ANKRD45: variants seen among roughly 807,000 people sequenced by gnomAD.
ANKRD45 encodes ankyrin repeat domain 45.
A neutral mutation model predicts 28.1 loss-of-function variants in ANKRD45; 21 were observed. The ratio of observed to expected loss-of-function variants is 0.75; its 90% CI spans 0.53 to 1.08. The LOEUF (loss-of-function observed/expected upper bound fraction) is 1.08, where lower values mean the gene tolerates loss of function less well. Among genes scored for constraint, ANKRD45 ranks in the 50% least tolerant of loss-of-function variants. The pLI is 0.00. For synonymous variants in ANKRD45, 86 were observed against 103.9 expected, an observed-to-expected ratio of 0.83 and a Z score of 1.05; for missense variants, 261 against 308.7, an observed-to-expected ratio of 0.85 and a Z score of 1.16.
At chr1:173,617,042 C>T (rs1158574454) in intron 5 of ANKRD45, among the ~76,000 whole-genome samples, 1 of 152,056 alleles carries the variant, frequency 6.6e-6, no homozygotes, top group African/African-American at 2.4e-5. Context: ...ACACTTCTCA[C>T]ACAGATCTTT....
chr1:173,669,967 T>G (rs1301205476), upstream of ANKRD45: 2 of 168,732 alleles, frequency 1.2e-5, no homozygotes, highest in Non-Finnish European at 2.9e-5. Context: ...CCAGGAATTA[T>G]CTATAATTTC....
chr1:173,703,832 G>A, the ANKRD45 span, among the ~76,000 whole-genome samples: 2 of 152,230 alleles, frequency 1.3e-5, no homozygotes, highest in African/African-American at 4.8e-5. Context: ...GCAACCACAG[G>A]TGTGAGAGAA....
chr1:173,712,735 GA>G, the ANKRD45 span, among the ~76,000 whole-genome samples: 2 of 152,042 alleles, frequency 1.3e-5, no homozygotes, highest in Admixed American at 1.3e-4. Context: ...TCCATCTGCA[GA>G]AAAAAATGTT....
chr1:173,688,299 T>A, the ANKRD45 span, among the ~76,000 whole-genome samples: 1 of 152,152 alleles, frequency 6.6e-6, no homozygotes, highest in Non-Finnish European at 1.5e-5. Flanking sequence ...TTTCTTTCTC[T>A]CTGACTTTCT....
At chr1:173,682,775 A>T in the ANKRD45 span, among the ~76,000 whole-genome samples, 2 of 151,772 alleles carry the variant, frequency 1.3e-5, no homozygotes, top group Non-Finnish European at 2.9e-5. Flanking sequence ...AGCTCCTTTT[A>T]AAAAAAGTCT....
At chr1:173,672,183 T>C (rs1231182760), upstream of ANKRD45, among the ~76,000 whole-genome samples, 1 of 152,216 alleles carries the variant, frequency 6.6e-6, no homozygotes, top group African/African-American at 2.4e-5. Context: ...TTTTTTCAAA[T>C]GTAATTATTA....
chr1:173,699,211 A>G, the ANKRD45 span, among the ~76,000 whole-genome samples: 6 of 152,342 alleles, frequency 3.9e-5, no homozygotes, highest in African/African-American at 1.4e-4. Flanking sequence ...GTCCAGGACC[A>G]CATGGATTCA....
upstream of ANKRD45, among the ~76,000 whole-genome samples, chr1:173,671,853 G>C (rs1483918516): frequency 6.7e-6 from 1 of 149,532 alleles, no homozygotes; most frequent in East Asian, 2.0e-4. Flanking sequence ...CTGCCCTCCA[G>C]CATGGGTGAC....
At chr1:173,680,821 A>G in the ANKRD45 span, among the ~76,000 whole-genome samples, 1 of 152,150 alleles carries the variant, frequency 6.6e-6, no homozygotes, top group Admixed American at 6.6e-5. Context: ...CTTTGCAGGG[A>G]CATGCATGAA....
intron 5 of ANKRD45, among the ~76,000 whole-genome samples, chr1:173,613,109 C>T (rs1400360857): frequency 2.0e-5 from 3 of 150,562 alleles, no homozygotes; most frequent in African/African-American, 4.9e-5. Flanking sequence ...AAGTGAAGAG[C>T]GCCTCTTCCC....
chr1:173,694,560 T>G, the ANKRD45 span, among the ~76,000 whole-genome samples: 1 of 147,398 alleles, frequency 6.8e-6, no homozygotes, highest in Non-Finnish European at 1.5e-5. Flanking sequence ...TTATTATTAT[T>G]ATTATTATTA....
chr1:173,708,428 G>C, the ANKRD45 span, among the ~76,000 whole-genome samples: 1 of 152,340 alleles, frequency 6.6e-6, no homozygotes, highest in South Asian at 2.1e-4. Context: ...CTCCAGAGGA[G>C]GTAGCAGCAG....
chr1:173,675,013 G>A, the ANKRD45 span, among the ~76,000 whole-genome samples: 8 of 152,004 alleles, frequency 5.3e-5, no homozygotes, highest in Non-Finnish European at 1.0e-4. Context: ...AAAGTCTTAT[G>A]TCCTATGAAG....
At chr1:173,674,087 T>C (rs1205445940), upstream of ANKRD45, among the ~76,000 whole-genome samples, 2 of 152,108 alleles carry the variant, frequency 1.3e-5, no homozygotes, top group African/African-American at 4.8e-5. Context: ...CGGCCCACTG[T>C]AGCCTCATTC....
chr1:173,707,338 CCTT>C, the ANKRD45 span, among the ~76,000 whole-genome samples: 2 of 150,722 alleles, frequency 1.3e-5, no homozygotes, highest in African/African-American at 4.9e-5. Context: ...AAGTGTTTCT[CCTT>C]TTTTTTTTTT....
intron 3 of ANKRD45, among the ~76,000 whole-genome samples, chr1:173,634,501 T>C (rs1171263934): frequency 6.6e-6 from 1 of 151,936 alleles, no homozygotes; most frequent in Non-Finnish European, 1.5e-5. Context: ...TCTTTGCTTA[T>C]TATGCTTCCC....
At chr1:173,640,207 C>A (rs1184865449) in intron 3 of ANKRD45, among the ~76,000 whole-genome samples, 1 of 152,014 alleles carries the variant, frequency 6.6e-6, no homozygotes, top group East Asian at 1.9e-4. Context: ...GGATCAGTTC[C>A]TGAGCAATTA....
At chr1:173,639,547 C>G (rs1229850202) in intron 3 of ANKRD45, among the ~76,000 whole-genome samples, 1 of 152,206 alleles carries the variant, frequency 6.6e-6, no homozygotes, top group Non-Finnish European at 1.5e-5. Context: ...TAAGGGAGTT[C>G]TTAACCATGG....
At chr1:173,628,571 G>C (rs1485113516) in intron 3 of ANKRD45, among the ~76,000 whole-genome samples, 1 of 152,034 alleles carries the variant, frequency 6.6e-6, no homozygotes, top group Non-Finnish European at 1.5e-5. Context: ...GAGGAAAAGT[G>C]GGAAGGACTT....
Sources: allele counts gnomAD v4.1 joint callset (sites outside exome capture counted in the v4.1 genomes callset), GRCh38; gene constraint gnomAD v4.1.1; transcripts MANE v1.5; gene names NCBI Gene and HGNC (gene_info 2026-07-23, HGNC 2026-07-21).